The following NFIL3 variants were observed in gnomAD, a reference collection of about 807,000 sequenced individuals.
NFIL3 encodes nuclear factor interleukin-3-regulated protein.
NFIL3 carries 5 observed loss-of-function variants against 10.0 expected under a neutral mutation model. That is an observed-to-expected ratio of 0.50 (90% CI 0.26 to 1.06). The LOEUF is 1.06. NFIL3 is among the 50% of genes least tolerant of loss of function. The pLI is 0.13. For missense variants in NFIL3, 436 were observed against 547.6 expected (o/e 0.80, Z 2.03); for synonymous variants, 202 against 206.5 (o/e 0.98, Z 0.19).
chr9:91,450,179 T>C, the NFIL3 span, among the ~76,000 whole-genome samples: 1 of 152,132 alleles, frequency 6.6e-6, no homozygotes, highest in Non-Finnish European at 1.5e-5. Flanking sequence ...CTTTCTTTAT[T>C]GTTTTTGTAT....
At chr9:91,461,774 C>A in the NFIL3 span, among the ~76,000 whole-genome samples, 1 of 152,088 alleles carries the variant, frequency 6.6e-6, no homozygotes, top group Non-Finnish European at 1.5e-5. Flanking sequence ...ACACAGATAA[C>A]CTAGGATGAT....
At chr9:91,481,313 G>T in the NFIL3 span, among the ~76,000 whole-genome samples, 1 of 152,038 alleles carries the variant, frequency 6.6e-6, no homozygotes. Flanking sequence ...AACGTAGTTG[G>T]TTTTATTCAT....
the NFIL3 span, among the ~76,000 whole-genome samples, chr9:91,433,776 A>G: frequency 6.6e-6 from 1 of 152,246 alleles, no homozygotes; most frequent in Admixed American, 6.5e-5. Flanking sequence ...TAACATAAAT[A>G]ACATATCTGG....
chr9:91,444,837 C>G, the NFIL3 span, among the ~76,000 whole-genome samples: 1 of 152,176 alleles, frequency 6.6e-6, no homozygotes, highest in African/African-American at 2.4e-5. Flanking sequence ...TTCTCCACCA[C>G]TTAGCTGAAG....
At chr9:91,440,804 T>C in the NFIL3 span, among the ~76,000 whole-genome samples, 15 of 152,266 alleles carry the variant, frequency 9.9e-5, no homozygotes, top group Admixed American at 5.9e-4. Context: ...CACATATGTG[T>C]GAGTTTTTCA....
At chr9:91,468,953 T>A in the NFIL3 span, among the ~76,000 whole-genome samples, 1 of 151,928 alleles carries the variant, frequency 6.6e-6, no homozygotes, top group Non-Finnish European at 1.5e-5. Context: ...TTGTGTAGTT[T>A]GAAGTCAGCC....
At chr9:91,481,964 T>G in the NFIL3 span, among the ~76,000 whole-genome samples, 2 of 152,156 alleles carry the variant, frequency 1.3e-5, no homozygotes, top group Non-Finnish European at 2.9e-5. Flanking sequence ...AGTAAGATAA[T>G]TTCATGCAAT....
the NFIL3 span, among the ~76,000 whole-genome samples, chr9:91,457,932 GT>G: frequency 0.013 from 1,993 of 151,976 alleles, 21 homozygotes; most frequent in Middle Eastern, 0.044. Flanking sequence ...TGATCATACA[GT>G]TTTTTTCTTT....
intron 1 of NFIL3, among the ~76,000 whole-genome samples, chr9:91,414,267 G>C (rs564988319): frequency 6.6e-6 from 1 of 152,162 alleles, no homozygotes; most frequent in Non-Finnish European, 1.5e-5. Context: ...GCAATGGTAC[G>C]ATCTTGGCTC....
At chr9:91,467,762 C>T in the NFIL3 span, among the ~76,000 whole-genome samples, 3 of 152,044 alleles carry the variant, frequency 2.0e-5, no homozygotes, top group Non-Finnish European at 4.4e-5. Flanking sequence ...GTTCAATTCC[C>T]ACCTATGAGT....
chr9:91,444,350 T>C, the NFIL3 span, among the ~76,000 whole-genome samples: 1 of 152,230 alleles, frequency 6.6e-6, no homozygotes, highest in African/African-American at 2.4e-5. Flanking sequence ...TTTCATTGAA[T>C]TATCTATCTG....
the NFIL3 span, among the ~76,000 whole-genome samples, chr9:91,436,774 G>A: frequency 1.3e-5 from 2 of 152,226 alleles, no homozygotes; most frequent in Admixed American, 6.5e-5. Flanking sequence ...ACCCAAAATA[G>A]GAAGAGGTTC....
At chr9:91,421,767 AT>A (rs1388656818) in intron 1 of NFIL3, among the ~76,000 whole-genome samples, 1 of 152,166 alleles carries the variant, frequency 6.6e-6, no homozygotes, top group African/African-American at 2.4e-5. Context: ...GACTGCAATT[AT>A]TTGGGGTAAT....
the NFIL3 span, among the ~76,000 whole-genome samples, chr9:91,433,845 T>C: frequency 6.6e-6 from 1 of 152,032 alleles, no homozygotes; most frequent in Admixed American, 6.5e-5. Flanking sequence ...AAATATTATA[T>C]TTAAATATAT....
chr9:91,409,968 G>A lies in NFIL3; in HGVS notation c.767C>T (p.Ser256Leu), dbSNP rs754242741. 1.2e-5 allele frequency: 20 copies of A among 1,613,490 alleles called. No individual in the cohort carries two copies. Among genetic ancestry groups the A allele is most frequent in the Non-Finnish European group, 1.6e-5 (19 of 1,180,048 alleles). Residue 256 changes from serine (S) to leucine (L), a missense_variant, in exon 2 of 2, where the codon TCA (serine) becomes TTA (leucine). Transcript: ENST00000297689. ...GACTTGCAGTAGTGGGGGAGAGTGT[G>A]AGTACCCAGAGAAAGAATTCCCCAT... ...NYMGNSFSGYSHSPPLLQVNR... is the reference protein window; with the variant it reads ...NYMGNSFSGYLHSPPLLQVNR...
chr9:91,441,444 A>G, the NFIL3 span, among the ~76,000 whole-genome samples: 1 of 152,008 alleles, frequency 6.6e-6, no homozygotes, highest in Non-Finnish European at 1.5e-5. Flanking sequence ...GTTGGATCTT[A>G]TTTTTTTAAT....
At chr9:91,444,636 G>A in the NFIL3 span, among the ~76,000 whole-genome samples, 55 of 152,268 alleles carry the variant, frequency 3.6e-4, no homozygotes, top group South Asian at 6.0e-3. Flanking sequence ...TGGGCAGGGC[G>A]TGATGGGTCT....
At chr9:91,472,170 C>T in the NFIL3 span, among the ~76,000 whole-genome samples, 5 of 152,192 alleles carry the variant, frequency 3.3e-5, no homozygotes, top group South Asian at 2.1e-4. Flanking sequence ...GTGAATCTGA[C>T]GATTATGTGT....
chr9:91,420,044 T>A (rs1037028601), intron 1 of NFIL3, among the ~76,000 whole-genome samples: 2 of 152,084 alleles, frequency 1.3e-5, no homozygotes, highest in South Asian at 4.2e-4. Context: ...TGTAAGGGAA[T>A]TGGAAAAAGC....
Sources: gnomAD v4.1 joint callset for allele counts (sites outside exome capture counted in the v4.1 genomes callset) on GRCh38, gnomAD v4.1.1 for gene constraint, MANE v1.5 for transcripts, NCBI Gene and HGNC (gene_info 2026-07-23, HGNC 2026-07-21) for gene names.